Variants in PODXL observed in about 807,000 individuals in gnomAD.
PODXL encodes podocalyxin like.
PODXL carries 20 observed loss-of-function variants against 48.9 expected under a neutral mutation model. That is an observed-to-expected ratio of 0.41 (90% confidence interval 0.29 to 0.59). The LOEUF (loss-of-function observed/expected upper bound fraction) is 0.59, where lower values mean the gene tolerates loss of function less well. PODXL is among the 20% of genes least tolerant of loss of function. The probability of loss-of-function intolerance (pLI) is 0.31; values close to 1 mark genes in which losing one functional copy is unlikely to be tolerated. For synonymous variants in PODXL, 295 were observed against 287.4 expected (o/e 1.03, Z -0.27); for missense variants, 606 against 675.1 (o/e 0.90, Z 1.13).
At chr7:131,516,762 G>A (rs1164221677) in intron 1 of PODXL, among the ~76,000 whole-genome samples, 1 of 126,746 alleles carries the variant, frequency 7.9e-6, no homozygotes, top group Non-Finnish European at 1.6e-5. Flanking sequence ...TTGAGACAGG[G>A]TCTTGCTCCA....
chr7:131,505,205 TAGAC>T (rs966771027), intron 8 of PODXL, among the ~76,000 whole-genome samples: 13 of 152,290 alleles, frequency 8.5e-5, no homozygotes, highest in East Asian at 1.9e-4. Context: ...AATTTTTGGT[TAGAC>T]AGAACACCTA....
intron 1 of PODXL, among the ~76,000 whole-genome samples, chr7:131,555,636 C>T (rs1051968530): frequency 6.6e-6 from 1 of 152,180 alleles, no homozygotes; most frequent in African/African-American, 2.4e-5. Flanking sequence ...GGAGGTAGGA[C>T]CCCCACTCAG....
chr7:131,517,627 A>G (rs1001917193), intron 1 of PODXL, among the ~76,000 whole-genome samples: 1 of 152,144 alleles, frequency 6.6e-6, no homozygotes, highest in East Asian at 1.9e-4. Flanking sequence ...GCTCCCTCCG[A>G]AGACACCAGG....
rs572638568 is a variant in PODXL, at chr7:131,500,810, T to A, written c.*3501A>T. ...AAAGGAATTCTGTCCTTTGTGTCAT[T>A]CTGGCACCTTCGAGTAGCAATTCTT... On this transcript the variant is annotated 3_prime_UTR_variant, in exon 9 of 9. Transcript: ENST00000378555. 6.6e-6 allele frequency: 1 copy of A among 152,338 alleles called. No individual in the cohort carries two copies. The highest frequency in any genetic ancestry group is 2.1e-4 in the South Asian group (1 of 4,822). 9.4% of individuals were successfully genotyped at this position (152,338 alleles called of 1,614,324 possible).
chr7:131,508,688 G>A (rs1797851908), intron 5 of PODXL, among the ~76,000 whole-genome samples: 1 of 125,078 alleles, frequency 8.0e-6, no homozygotes, highest in African/African-American at 3.0e-5. Flanking sequence ...TAGTCACACA[G>A]TGAAAGCCGA....
At chr7:131,536,968 T>G (rs899773161) in intron 1 of PODXL, among the ~76,000 whole-genome samples, 1 of 151,682 alleles carries the variant, frequency 6.6e-6, no homozygotes, top group Admixed American at 6.6e-5. Flanking sequence ...CTACTAAAAA[T>G]ACAAAAATGA....
chr7:131,545,323 A>G (rs796279506), intron 1 of PODXL, among the ~76,000 whole-genome samples: 14 of 152,256 alleles, frequency 9.2e-5, no homozygotes, highest in African/African-American at 3.4e-4. Context: ...GTTTCCTATA[A>G]ATCCCCTAAG....
intron 1 of PODXL, among the ~76,000 whole-genome samples, chr7:131,553,778 G>A (rs1392129820): frequency 2.0e-5 from 3 of 152,136 alleles, no homozygotes; most frequent in African/African-American, 2.4e-5. Context: ...GAGGGAACAC[G>A]GAACCCCAGA....
At chr7:131,550,778 C>T (rs1204213058) in intron 1 of PODXL, among the ~76,000 whole-genome samples, 2 of 151,818 alleles carry the variant, frequency 1.3e-5, no homozygotes, top group African/African-American at 2.4e-5. Context: ...CACACACATA[C>T]ATGCACGCAC....
At chr7:131,543,429 C>G (rs1798515193) in intron 1 of PODXL, among the ~76,000 whole-genome samples, 1 of 152,124 alleles carries the variant, frequency 6.6e-6, no homozygotes, top group Non-Finnish European at 1.5e-5. Context: ...CCAGGCCATC[C>G]CTTGTCCCCT....
chr7:131,529,604 T>C (rs908498883), intron 1 of PODXL, among the ~76,000 whole-genome samples: 1 of 151,160 alleles, frequency 6.6e-6, no homozygotes, highest in African/African-American at 2.4e-5. Context: ...CCAACTCATC[T>C]CCACAGAAAT....
chr7:131,522,410 A>T (rs924856210), intron 1 of PODXL, among the ~76,000 whole-genome samples: 8 of 152,086 alleles, frequency 5.3e-5, no homozygotes, highest in Non-Finnish European at 1.2e-4. Flanking sequence ...GTGCCACAGC[A>T]CTCCAGCCTG....
At chr7:131,523,074 CTCTT>C (rs1798114537) in intron 1 of PODXL, among the ~76,000 whole-genome samples, 1 of 152,174 alleles carries the variant, frequency 6.6e-6, no homozygotes, top group Non-Finnish European at 1.5e-5. Context: ...CATATGGTAA[CTCTT>C]TATTTAGTAT....
Position 131,504,408 on chromosome 7 carries a change from A to C in PODXL, c.1580T>G (p.Val527Gly), listed in dbSNP as rs765637552. ...ETSSEMQEKK[V>G]VSLNGELGDS... ...CCCCAGCTCCCCGTTGAGGCTGACC[A>C]CCTTCTTCTCCTGCATCTCAGAAGA... is the stretch of plus-strand genomic sequence containing the variant. The change falls in exon 9 of 9, where the codon GTG becomes GGG. Residue 527 changes from valine to glycine, a missense_variant. Transcript: ENST00000378555. 1.2e-6 allele frequency: 2 copies of C among 1,614,072 alleles called. No homozygotes were observed. The highest frequency in any genetic ancestry group is 3.3e-5 in the Admixed American group (2 of 60,016).
At chr7:131,538,297 G>A (rs1584827516) in intron 1 of PODXL, among the ~76,000 whole-genome samples, 1 of 152,210 alleles carries the variant, frequency 6.6e-6, no homozygotes, top group African/African-American at 2.4e-5. Context: ...CCCAAGGCCT[G>A]GCAGGGAAGG....
At chr7:131,527,653 C>T (rs1355726628) in intron 1 of PODXL, among the ~76,000 whole-genome samples, 1 of 152,222 alleles carries the variant, frequency 6.6e-6, no homozygotes, top group African/African-American at 2.4e-5. Flanking sequence ...AATGAGTTTG[C>T]ATGTGTGGAC....
Position 131,509,543 on chromosome 7 carries a change from T to C in PODXL, c.845A>G (p.Gln282Arg), listed in dbSNP as rs1797874431. ...ISQRTQQTSSQMPASSTAPSS... is the reference protein window; with the variant it reads ...ISQRTQQTSSRMPASSTAPSS... Reference sequence around the variant, plus strand: ...AGGGGCCGTAGAGCTGGCTGGCATCTGACTGGAGGTCTGTTGAGTTCTTTG... The same window carrying C: ...AGGGGCCGTAGAGCTGGCTGGCATCCGACTGGAGGTCTGTTGAGTTCTTTG... The change falls in exon 4 of 9, where the codon CAG (glutamine) becomes CGG (arginine). Residue 282 changes from glutamine (Q) to arginine (R), a missense_variant. Transcript: ENST00000378555. The C allele has an allele frequency of 4.4e-6, 7 of 1,595,336 alleles. No homozygotes were observed. In the Middle Eastern group the frequency reaches 5.0e-4, roughly 115 times the overall value.
At chr7:131,530,523 T>G (rs1488565105) in intron 1 of PODXL, among the ~76,000 whole-genome samples, 2 of 151,808 alleles carry the variant, frequency 1.3e-5, no homozygotes, top group Non-Finnish European at 2.9e-5. Flanking sequence ...GGCGGGAGAA[T>G]CACTTGAGCC....
Position 131,524,379 on chromosome 7 carries a change from C to CACAGAG in PODXL, c.101-12947_101-12946insCTCTGT, listed in dbSNP as rs746255906. ...ACACACACGCACACACACACACACA[C>CACAGAG]AGAGAGAGAGAGAGAGAGAGAGAGA... On this transcript the variant is annotated intron_variant, in intron 1 of 8. Transcript: ENST00000378555. Among the ~76,000 whole-genome samples, 151 of 104,108 alleles carry CACAGAG rather than the reference C, an allele frequency of 1.5e-3. 2 individuals are homozygous for CACAGAG. The East Asian group carries it at 0.019, about 13-fold the overall frequency. 68.3% of individuals were successfully genotyped at this position (104,108 alleles called of 152,430 possible). A position where few individuals can be genotyped will look rare whatever the true frequency, so the allele number is the denominator to read the frequency against.
Sources: allele counts gnomAD v4.1 joint callset (sites outside exome capture counted in the v4.1 genomes callset), GRCh38; gene constraint gnomAD v4.1.1; transcripts MANE v1.5; gene names NCBI Gene and HGNC (gene_info 2026-07-23, HGNC 2026-07-21).